The following FRS2 variants were observed in gnomAD, a reference collection of about 807,000 sequenced individuals.
FRS2 encodes the protein fibroblast growth factor receptor substrate 2.
In FRS2, 8 loss-of-function variants were observed where a neutral mutation model predicts 43.9. That is an observed-to-expected ratio of 0.18 (90% CI 0.11 to 0.33). The LOEUF (loss-of-function observed/expected upper bound fraction) is 0.33, where lower values mean the gene tolerates loss of function less well. FRS2 is among the 10% of genes least tolerant of loss of function. The pLI, the probability that FRS2 is intolerant of heterozygous loss-of-function variation, is 1.00. For synonymous variants in FRS2, 219 were observed against 220.3 expected (o/e 0.99, Z 0.05); for missense variants, 534 against 627.6 (o/e 0.85, Z 1.59).
chr12:69,521,138 C>G (rs1215962033), intron 1 of FRS2, among the ~76,000 whole-genome samples: 2 of 151,974 alleles, frequency 1.3e-5, no homozygotes, highest in African/African-American at 4.8e-5. Context: ...AGCTGTATTC[C>G]TAGGTATTTT....
chr12:69,494,817 A>G (rs1471478223), intron 1 of FRS2, among the ~76,000 whole-genome samples: 2 of 152,090 alleles, frequency 1.3e-5, no homozygotes, highest in Non-Finnish European at 2.9e-5. Context: ...CTTGTTGCCC[A>G]GTCTGGAGTA....
At chr12:69,513,366 C>G (rs1158818915) in intron 1 of FRS2, among the ~76,000 whole-genome samples, 1 of 151,906 alleles carries the variant, frequency 6.6e-6, no homozygotes, top group East Asian at 1.9e-4. Context: ...ATAGTTTCAA[C>G]CCCATATGGT....
rs1881036148 is a variant in FRS2 at position 69,574,509 on chromosome 12, G to T, written c.1081G>T (p.Ala361Ser). Reference sequence around the variant, plus strand: ...ACCATCTTTGCCTCCTGTTTGGGAAGCCCGCAAGCTAAGTAGGGATGAAGA... The same window carrying T: ...ACCATCTTTGCCTCCTGTTTGGGAATCCCGCAAGCTAAGTAGGGATGAAGA... ...NLPSLPPVWE[A>S]RKLSRDEDDN... is the part of the protein sequence containing the mutation. Residue 361 changes from alanine to serine, a missense_variant, in exon 9 of 9, where the codon GCC becomes TCC. Transcript: ENST00000549921. 3 of 1,613,994 alleles carry T rather than the reference G, an allele frequency of 1.9e-6. No homozygotes were observed. The highest frequency in any genetic ancestry group is 2.5e-6 in the Non-Finnish European group (3 of 1,180,020).
intron 8 of FRS2, 76 bp downstream of exon 8, chr12:69,572,357 T>G: frequency 9.0e-7 from 1 of 1,107,192 alleles, no homozygotes; most frequent in South Asian, 1.5e-5. Flanking sequence ...ACTGGAAGAT[T>G]TTATTCAGCT....
At position 69,574,997 on chromosome 12, in the gene FRS2, T is replaced by C. The variant is rs769191598; in HGVS notation, c.*42T>C. On this transcript the variant is annotated 3_prime_UTR_variant, in exon 9 of 9. Transcript: ENST00000549921. ...GTTGTTTGCACCTTTGTGAAGTTTTTAAAAATGAAGATGCAAGTGCTTCAT... is the reference window on the plus strand; with the variant it reads ...GTTGTTTGCACCTTTGTGAAGTTTTCAAAAATGAAGATGCAAGTGCTTCAT... 8.3e-6 allele frequency: 11 copies of C among 1,319,464 alleles called. No homozygotes were observed. The highest frequency in any genetic ancestry group is 1.2e-5 in the Non-Finnish European group (11 of 932,714). 81.7% of individuals were successfully genotyped at this position (1,319,464 alleles called of 1,614,324 possible).
At chr12:69,500,557 A>G (rs186531252) in intron 1 of FRS2, among the ~76,000 whole-genome samples, 76 of 152,350 alleles carry the variant, frequency 5.0e-4, no homozygotes, top group Admixed American at 2.9e-3. Context: ...TATCTATTAG[A>G]ACATTTCTTT....
chr12:69,485,134 C>CACACACACACAT (rs1194988609), intron 1 of FRS2, among the ~76,000 whole-genome samples: 6,537 of 134,124 alleles, frequency 0.049, 444 homozygotes, highest in African/African-American at 0.079. Context: ...CACACACACA[C>CACACACACACAT]ACTCTCACCC....
intron 1 of FRS2, among the ~76,000 whole-genome samples, chr12:69,515,132 G>C (rs1874863290): frequency 6.6e-6 from 1 of 152,202 alleles, no homozygotes; most frequent in Admixed American, 6.5e-5. Flanking sequence ...GCAGTGTTGG[G>C]ATATAAATTC....
chr12:69,528,848 T>C (rs1258548740), intron 1 of FRS2, among the ~76,000 whole-genome samples: 1 of 152,108 alleles, frequency 6.6e-6, no homozygotes, highest in Non-Finnish European at 1.5e-5. Context: ...AGAGGAGAAA[T>C]AAGCCAGAGA....
rs1180325663 is a variant in FRS2 at position 69,578,597 on chromosome 12, A to G, written c.*3642A>G. On this transcript the variant is annotated 3_prime_UTR_variant, in exon 9 of 9. Coordinates refer to ENST00000549921, the MANE Select transcript of FRS2 (RefSeq NM_001278356.2). ...AGTTATAGCATGGAAACAGACTGGT[A>G]TAAGTAGTACAGTAGTCACCAGTGT... 1 of 152,634 alleles carries G rather than the reference A, an allele frequency of 6.6e-6. No homozygotes were observed. The highest frequency in any genetic ancestry group is 1.5e-5 in the Non-Finnish European group (1 of 68,026). 9.5% of individuals were successfully genotyped at this position (152,634 alleles called of 1,614,324 possible).
chr12:69,482,517 GAGTC>G (rs1248808034), intron 1 of FRS2, among the ~76,000 whole-genome samples: 5 of 152,152 alleles, frequency 3.3e-5, no homozygotes, highest in Non-Finnish European at 7.4e-5. Flanking sequence ...TTGACTGACT[GAGTC>G]AGTAGATAGT....
intron 1 of FRS2, among the ~76,000 whole-genome samples, chr12:69,529,553 A>C (rs1876584944): frequency 6.6e-6 from 1 of 152,098 alleles, no homozygotes; most frequent in African/African-American, 2.4e-5. Flanking sequence ...CCTGGGAGGC[A>C]GAGGTTGCAG....
chr12:69,558,584 A>AT lies in FRS2; in HGVS notation c.-121-3594dup, dbSNP rs748204848. On this transcript the variant is annotated intron_variant, in intron 3 of 8. Coordinates refer to ENST00000549921, the MANE Select transcript of FRS2 (RefSeq NM_001278356.2). The stretch of plus-strand genomic sequence containing the variant: ...TTTGCATGCTTTCTTCTTAATCTGG[A>AT]TTGCCCCTGCCCTAGCTAACTCCCA... Among the ~76,000 whole-genome samples, 7 of 152,122 alleles carry AT rather than the reference A, an allele frequency of 4.6e-5. No homozygotes were observed. The South Asian group carries it at 1.5e-3, about 32-fold the overall frequency.
intron 1 of FRS2, among the ~76,000 whole-genome samples, chr12:69,476,305 T>G (rs1348667548): frequency 6.6e-6 from 1 of 152,196 alleles, no homozygotes; most frequent in Non-Finnish European, 1.5e-5. Flanking sequence ...TTCACACAAG[T>G]AGCTCTAAAT....
At chr12:69,525,480 T>A (rs2135634522) in intron 1 of FRS2, among the ~76,000 whole-genome samples, 1 of 152,310 alleles carries the variant, frequency 6.6e-6, no homozygotes, top group South Asian at 2.1e-4. Context: ...CCCCCAACAT[T>A]GATTTCAAAA....
At chr12:69,559,481 T>G (rs1251802408) in intron 3 of FRS2, among the ~76,000 whole-genome samples, 2 of 152,146 alleles carry the variant, frequency 1.3e-5, no homozygotes, top group African/African-American at 2.4e-5. Flanking sequence ...AAGATCTGTT[T>G]AGGAATGTGC....
chr12:69,482,164 TCTAG>T (rs1173307668), intron 1 of FRS2, among the ~76,000 whole-genome samples: 2 of 152,110 alleles, frequency 1.3e-5, no homozygotes, highest in African/African-American at 4.8e-5. Flanking sequence ...TTTGCATAAC[TCTAG>T]CTAAGATTTG....
chr12:69,552,628 A>C (rs1465993370), intron 3 of FRS2, among the ~76,000 whole-genome samples: 1 of 152,118 alleles, frequency 6.6e-6, no homozygotes, highest in Non-Finnish European at 1.5e-5. Context: ...TACAGAGTCC[A>C]CAGGGATTCA....
intron 4 of FRS2, among the ~76,000 whole-genome samples, chr12:69,563,119 G>T (rs1565776914): frequency 6.6e-6 from 1 of 152,158 alleles, no homozygotes; most frequent in Non-Finnish European, 1.5e-5. Flanking sequence ...AGATCACATG[G>T]TTGTTCCTCA....
Sources: allele counts gnomAD v4.1 joint callset (sites outside exome capture counted in the v4.1 genomes callset), GRCh38; gene constraint gnomAD v4.1.1; transcripts MANE v1.5; gene names NCBI Gene and HGNC (gene_info 2026-07-23, HGNC 2026-07-21).